KIF13A: variants seen among roughly 807,000 people sequenced by gnomAD.
KIF13A encodes kinesin-like protein KIF13A.
In KIF13A, 79 loss-of-function variants were observed where a neutral mutation model predicts 212.2. The ratio of observed to expected loss-of-function variants is 0.37; its 90% CI spans 0.31 to 0.45. The LOEUF (loss-of-function observed/expected upper bound fraction) is 0.45. KIF13A is among the 20% of genes least tolerant of loss of function. The pLI, the probability that KIF13A is intolerant of heterozygous loss-of-function variation, is 1.00. For missense variants in KIF13A, 1,901 were observed against 2,209.0 expected, an observed-to-expected ratio of 0.86 and a Z score of 2.79; for synonymous variants, 789 against 808.6, an observed-to-expected ratio of 0.98 and a Z score of 0.41.
At chr6:17,823,029 G>A (rs1403391184) in intron 16 of KIF13A, among the ~76,000 whole-genome samples, 2 of 136,218 alleles carry the variant, frequency 1.5e-5, no homozygotes, top group East Asian at 2.1e-4. Flanking sequence ...TTTCTTCATG[G>A]TTCTATACTT....
In KIF13A at chr6:17,843,376, C is replaced by T. The variant is rs1338140073; in HGVS notation, c.831-5793G>A. On this transcript the variant is annotated intron_variant, in intron 9 of 38. Coordinates refer to ENST00000259711, the MANE Select transcript of KIF13A (RefSeq NM_022113.6). The surrounding 1 kb of genome is among the most constrained non-coding windows in gnomAD (Gnocchi z 5.3). The stretch of plus-strand genomic sequence containing the variant: ...TTTTCCAAAGTCCTCTCTGCAGCTT[C>T]GGGTAGCCATTAAACACAGTTCTGG... Among the ~76,000 whole-genome samples the T allele has an allele frequency of 6.6e-6, 1 of 152,168 alleles. No individual in the cohort carries two copies. The highest frequency in any genetic ancestry group is 1.5e-5 in the Non-Finnish European group (1 of 68,036).
intron 2 of KIF13A, among the ~76,000 whole-genome samples, chr6:17,974,802 T>C (rs763933869): frequency 2.0e-5 from 3 of 152,236 alleles, no homozygotes; most frequent in Non-Finnish European, 4.4e-5. Context: ...TCCACATCCA[T>C]GTTGCTTAAT....
At chr6:17,762,431 C>G (rs977424838), downstream of KIF13A, among the ~76,000 whole-genome samples, 1 of 151,978 alleles carries the variant, frequency 6.6e-6, no homozygotes, top group Non-Finnish European at 1.5e-5. Context: ...AGGCTGGTCT[C>G]GAACTCCTGA....
chr6:17,772,186 C>T lies in KIF13A; in HGVS notation c.4325-127G>A. The T allele has an allele frequency of 1.1e-6, 1 of 905,034 alleles. No individual in the cohort carries two copies. Among genetic ancestry groups the T allele is most frequent in the Non-Finnish European group, 1.7e-6 (1 of 594,122 alleles). The allele number at this position is 905,034 out of a possible 1,614,324, so 56.1% of individuals were successfully genotyped here. A position where few individuals can be genotyped will look rare whatever the true frequency, so the allele number is the denominator to read the frequency against. On this transcript the variant is annotated intron_variant, in intron 36 of 38. Coordinates refer to ENST00000259711, the MANE Select transcript of KIF13A (RefSeq NM_022113.6). This position sits in a 1 kb window ranked among gnomAD's most constrained non-coding sequence, Gnocchi z 4.8. The stretch of plus-strand genomic sequence containing the variant: ...ATGAAATTCATAGGCTAATATTTGG[C>T]TAAGCATTAAAACAGATGTATGCCC...
At position 17,971,165 on chromosome 6, in the gene KIF13A, A is replaced by G. The variant is rs987206996; in HGVS notation, c.146+15889T>C. On this transcript the variant is annotated intron_variant, in intron 2 of 38. Coordinates refer to ENST00000259711, the MANE Select transcript of KIF13A (RefSeq NM_022113.6). This position sits in a 1 kb window ranked among gnomAD's most constrained non-coding sequence, Gnocchi z 4.2. ...TATGATCTGGCCTGAAGGACCCAAG[A>G]TCCTCAGAACTCCAATAGCTGATGT... 6.6e-5 allele frequency among the ~76,000 whole-genome samples: 10 copies of G among 152,166 alleles called. No individual in the cohort carries two copies. The highest frequency in any genetic ancestry group is 2.4e-4 in the African/African-American group (10 of 41,422).
chr6:17,867,070 C>T (rs1241498817), intron 4 of KIF13A, among the ~76,000 whole-genome samples: 1 of 151,974 alleles, frequency 6.6e-6, no homozygotes, highest in Admixed American at 6.6e-5. Context: ...GGAGGCTACT[C>T]TCTGGACTCT....
chr6:17,931,205 C>T (rs950750688), intron 2 of KIF13A, among the ~76,000 whole-genome samples: 1 of 152,192 alleles, frequency 6.6e-6, no homozygotes, highest in Non-Finnish European at 1.5e-5. Context: ...ATTCTAAGGT[C>T]ACGAGAGCTG....
rs1484320249 is a variant in KIF13A at position 17,764,243 on chromosome 6, C to T, written c.5285G>A (p.Arg1762Lys). The change falls in exon 39 of 39, where the codon AGG (arginine) becomes AAG (lysine). Residue 1762 changes from arginine to lysine, a missense_variant. By Grantham distance (26) the Arg-to-Lys change is conservative. Coordinates refer to ENST00000259711, the MANE Select transcript of KIF13A (RefSeq NM_022113.6). The surrounding 1 kb of genome is among the most constrained non-coding windows in gnomAD (Gnocchi z 5.1). ...DSSAGELSSR[R>K]SLPNKTGGKT... ...GCCGCCTGTTTTATTTGGTAGACTC[C>T]TCCTACTGGAAAGCTCTCCAGCAGA... is the stretch of plus-strand genomic sequence containing the variant. 1.9e-6 allele frequency: 3 copies of T among 1,613,880 alleles called. No individual in the cohort carries two copies. Among genetic ancestry groups the T allele is most frequent in the African/African-American group, 1.3e-5 (1 of 74,936 alleles).
chr6:17,795,833 C>G (rs1187105387), intron 23 of KIF13A, among the ~76,000 whole-genome samples: 1 of 152,128 alleles, frequency 6.6e-6, no homozygotes, highest in Non-Finnish European at 1.5e-5. Flanking sequence ...ATTTTTTCTT[C>G]CATGGTTAGC....
intron 7 of KIF13A, among the ~76,000 whole-genome samples, chr6:17,851,427 T>C (rs1186011189): frequency 6.6e-6 from 1 of 152,232 alleles, no homozygotes; most frequent in Non-Finnish European, 1.5e-5. Flanking sequence ...GTTTGTGTTA[T>C]GAGATTTCCA....
In KIF13A at chr6:17,856,100, G is replaced by A. The variant is rs2150406852; in HGVS notation, c.243C>T (p.Cys81=). 6.2e-7 allele frequency: 1 copy of A among 1,612,870 alleles called. No homozygotes were observed. Among genetic ancestry groups the A allele is most frequent in the Non-Finnish European group, 8.5e-7 (1 of 1,179,066 alleles). ...CTTTTTCAAGAATTCCTTCCCCAAGGCACTTGAAAACCACTTCTTGACCTA... is the reference window on the plus strand; with the variant it reads ...CTTTTTCAAGAATTCCTTCCCCAAGACACTTGAAAACCACTTCTTGACCTA... ...KYAGQEVVFK[C]LGEGILEKAF... is the part of the protein sequence containing the mutation. The change falls in exon 5 of 39, where the codon TGC becomes TGT. Residue 81 remains cysteine, a synonymous_variant. Transcript: ENST00000259711. This position sits in a 1 kb window ranked among gnomAD's most constrained non-coding sequence, Gnocchi z 4.5.
intron 2 of KIF13A, among the ~76,000 whole-genome samples, chr6:17,965,660 G>C (rs1022298121): frequency 6.6e-6 from 1 of 152,214 alleles, no homozygotes; most frequent in Non-Finnish European, 1.5e-5. Context: ...AAAGATATGT[G>C]TGATGTTAAA....
At chr6:17,930,396 A>T (rs1775887403) in intron 2 of KIF13A, among the ~76,000 whole-genome samples, 2 of 152,216 alleles carry the variant, frequency 1.3e-5, no homozygotes, top group South Asian at 4.1e-4. Flanking sequence ...TCCTCAGGTG[A>T]TAAATCATTT....
chr6:17,775,045 C>A lies in KIF13A; in HGVS notation c.4188G>T (p.Pro1396=). Residue 1396 remains proline, a synonymous_variant, in exon 35 of 39, where the codon CCG becomes CCT. Transcript: ENST00000259711. The part of the protein sequence containing the change: ...PNVHNVSSSR[P]DLSGFDEDDK... ...CATCTTCATCAAAGCCAGAAAGGTC[C>A]GGTCGGCTGGAAGAGACCTATAAGA... 6.2e-7 allele frequency: 1 copy of A among 1,611,782 alleles called. No individual in the cohort carries two copies. Among genetic ancestry groups the A allele is most frequent in the Non-Finnish European group, 8.5e-7 (1 of 1,178,910 alleles).
intron 31 of KIF13A, 116 bp from the exon 32 acceptor site, chr6:17,779,800 C>T (rs1485041614): frequency 6.5e-6 from 3 of 461,066 alleles, no homozygotes; most frequent in Admixed American, 3.9e-5. Flanking sequence ...AGGGCAGTGG[C>T]GCGATCTCGG....
chr6:17,906,620 T>G (rs1773527594), intron 2 of KIF13A, among the ~76,000 whole-genome samples: 1 of 151,932 alleles, frequency 6.6e-6, no homozygotes, highest in African/African-American at 2.4e-5. Context: ...AGCTAATTTT[T>G]GTATTTTTTT....
Position 17,973,685 on chromosome 6 carries a change from T to G in KIF13A, c.146+13369A>C, listed in dbSNP as rs1234074193. Among the ~76,000 whole-genome samples the G allele has an allele frequency of 2.0e-5, 3 of 152,028 alleles. No individual in the cohort carries two copies. The East Asian group carries it at 5.8e-4, about 29-fold the overall frequency. ...AATTTTACAGATGAAGAAACCTAGC[T>G]GCAAAAGGATCAACAGCTATCTCAA... On this transcript the variant is annotated intron_variant, in intron 2 of 38. Transcript: ENST00000259711.
At position 17,882,723 on chromosome 6, in the gene KIF13A, G is replaced by A. The variant is rs140624493; in HGVS notation, c.160-9286C>T. Among the ~76,000 whole-genome samples, 330 of 152,128 alleles carry A rather than the reference G, an allele frequency of 2.2e-3. 1 individual carries two copies. Among genetic ancestry groups the A allele is most frequent in the African/African-American group, 7.6e-3 (314 of 41,514 alleles). ...ACTACAGCTGCCCACTACCACGCCT[G>A]GCTAATTTTTGTATTTTTAGTAGAG... On this transcript the variant is annotated intron_variant, in intron 3 of 38. Transcript: ENST00000259711.
Position 17,897,583 on chromosome 6 carries a change from G to A in KIF13A, c.159+585C>T, listed in dbSNP as rs1561736272. ...CCATCAAAGGTTGGCCAGAGCAGGT[G>A]GGGAAAAAACTAACTAGTGGCCATT... On this transcript the variant is annotated intron_variant, in intron 3 of 38. Transcript: ENST00000259711. The surrounding 1 kb of genome is among the most constrained non-coding windows in gnomAD (Gnocchi z 4.8). Among the ~76,000 whole-genome samples, 1 of 152,150 alleles carries A rather than the reference G, an allele frequency of 6.6e-6. No individual in the cohort carries two copies. Among genetic ancestry groups the A allele is most frequent in the South Asian group, 2.1e-4 (1 of 4,828 alleles).
Sources: gnomAD v4.1 joint callset for allele counts (sites outside exome capture counted in the v4.1 genomes callset) on GRCh38, gnomAD v4.1.1 for gene constraint, Gnocchi (gnomAD v3.1) non-coding constraint, MANE v1.5 for transcripts, NCBI Gene and HGNC (gene_info 2026-07-23, HGNC 2026-07-21) for gene names.